JMJD1C: variants seen among roughly 807,000 people sequenced by gnomAD.
JMJD1C encodes jumonji domain-containing protein 1C.
A neutral mutation model predicts 245.3 loss-of-function variants in JMJD1C; 31 were observed. That is an observed-to-expected ratio of 0.13 (90% confidence interval 0.09 to 0.17). JMJD1C has a LOEUF of 0.17. Ranked by LOEUF, JMJD1C falls within the 10% of genes least tolerant of loss-of-function variation. The pLI is 1.00. For missense variants in JMJD1C, 2,691 were observed against 3,000.2 expected, an observed-to-expected ratio of 0.90 and a Z score of 2.41; for synonymous variants, 1,057 against 1,017.4, an observed-to-expected ratio of 1.04 and a Z score of -0.74.
At chr10:63,401,343 T>C (rs1372580697) in intron 1 of JMJD1C, among the ~76,000 whole-genome samples, 1 of 152,222 alleles carries the variant, frequency 6.6e-6, no homozygotes, top group Non-Finnish European at 1.5e-5. Context: ...TGTGATTACT[T>C]TGGCCAACAG....
At chr10:63,410,692 GTA>G (rs1488895400) in intron 1 of JMJD1C, among the ~76,000 whole-genome samples, 2 of 152,020 alleles carry the variant, frequency 1.3e-5, no homozygotes, top group Admixed American at 6.6e-5. Context: ...GTAATTTTAT[GTA>G]TGTTTTTATT....
intron 2 of JMJD1C, among the ~76,000 whole-genome samples, chr10:63,362,235 T>TTA (rs1423481491): frequency 7.6e-6 from 1 of 131,192 alleles, no homozygotes; most frequent in Non-Finnish European, 1.6e-5. Flanking sequence ...ACTGCATCTC[T>TTA]AAAAAAAAAA....
intron 1 of JMJD1C, among the ~76,000 whole-genome samples, chr10:63,442,387 T>C (rs1252203483): frequency 6.6e-6 from 1 of 152,184 alleles, no homozygotes; most frequent in Non-Finnish European, 1.5e-5. Context: ...TGAATATATA[T>C]GAAGAAAGTA....
chr10:63,325,892 T>C (rs1941437399), intron 2 of JMJD1C, among the ~76,000 whole-genome samples: 1 of 152,240 alleles, frequency 6.6e-6, no homozygotes. Flanking sequence ...AATGCATATA[T>C]TCTATGTAGA....
chr10:63,290,867 C>T (rs1489277870), intron 2 of JMJD1C, among the ~76,000 whole-genome samples: 1 of 151,792 alleles, frequency 6.6e-6, no homozygotes, highest in Admixed American at 6.6e-5. Context: ...TAAAAAAAAT[C>T]AGTATGAAAT....
intron 3 of JMJD1C, among the ~76,000 whole-genome samples, chr10:63,243,120 T>TATATATATATATATATATATAA (rs1564668876): frequency 2.3e-5 from 2 of 86,646 alleles, no homozygotes; most frequent in Non-Finnish European, 3.3e-5. Context: ...TATATATATA[T>TATATATATATATATATATATAA]ATATAAATAT....
At chr10:63,474,043 CA>C (rs577773141) in intron 1 of JMJD1C, among the ~76,000 whole-genome samples, 2 of 144,348 alleles carry the variant, frequency 1.4e-5, no homozygotes, top group Admixed American at 1.4e-4. Context: ...AACTCTGTCT[CA>C]AAAAAAAGAA....
chr10:63,341,954 T>C (rs1411083278), intron 2 of JMJD1C, among the ~76,000 whole-genome samples: 2 of 152,208 alleles, frequency 1.3e-5, no homozygotes, highest in African/African-American at 4.8e-5. Flanking sequence ...CCTGTAACTA[T>C]ATTCAGTGAT....
At chr10:63,465,105 G>C (rs1953107582) in intron 1 of JMJD1C, 1 of 242,634 alleles carries the variant, frequency 4.1e-6, no homozygotes. Flanking sequence ...TACCAGGGAA[G>C]CTGGCCGCCT....
intron 1 of JMJD1C, among the ~76,000 whole-genome samples, chr10:63,450,793 C>G (rs1194525605): frequency 6.6e-6 from 1 of 151,958 alleles, no homozygotes; most frequent in Non-Finnish European, 1.5e-5. Context: ...CACTTCTATT[C>G]AACGCAGCAT....
chr10:63,363,252 C>CTTTTTTT (rs71463517), intron 2 of JMJD1C, among the ~76,000 whole-genome samples: 2 of 99,864 alleles, frequency 2.0e-5, no homozygotes, highest in African/African-American at 3.8e-5. Flanking sequence ...TCATACAATT[C>CTTTTTTT]TTTTTTTTTT....
intron 2 of JMJD1C, among the ~76,000 whole-genome samples, chr10:63,268,115 G>T (rs1047699639): frequency 2.7e-5 from 1 of 37,428 alleles, no homozygotes; most frequent in Non-Finnish European, 5.4e-5. Context: ...ACAATTCCAA[G>T]TTAAAAAAAA....
In JMJD1C at chr10:63,243,329, C is replaced by T. The variant is rs201806983; in HGVS notation, c.447+21322G>A. ...ATCACCTGAGGTCGGGAGCTCGGGA[C>T]CAGCCTGACCAACATGGAGAAGCCC... On this transcript the variant is annotated intron_variant, in intron 3 of 25. Transcript: ENST00000399262. 1.1e-4 allele frequency among the ~76,000 whole-genome samples: 17 copies of T among 151,440 alleles called. No homozygotes were observed. The East Asian group carries it at 3.1e-3, about 28-fold the overall frequency.
chr10:63,521,564 T>C, intron 1 of JMJD1C: 1 of 1,430,100 alleles, frequency 7.0e-7, no homozygotes, highest in Non-Finnish European at 9.3e-7. Flanking sequence ...CTGGATGATC[T>C]CCAGAGCCGT....
At chr10:63,490,751 A>C (rs1223634389) in intron 1 of JMJD1C, among the ~76,000 whole-genome samples, 1 of 152,176 alleles carries the variant, frequency 6.6e-6, no homozygotes, top group Non-Finnish European at 1.5e-5. Context: ...TGTCTTGTTC[A>C]CAAGAGTGAA....
chr10:63,360,746 CAT>C (rs1381563861), intron 2 of JMJD1C, among the ~76,000 whole-genome samples: 58 of 152,178 alleles, frequency 3.8e-4, no homozygotes, highest in African/African-American at 1.2e-3. Flanking sequence ...ACAAAAGTTA[CAT>C]GTTTCAAATA....
chr10:63,468,062 T>C (rs1311538797), upstream of JMJD1C, among the ~76,000 whole-genome samples: 1 of 152,214 alleles, frequency 6.6e-6, no homozygotes. Context: ...CCCTGGGAAC[T>C]CCCACTACAT....
chr10:63,181,402 T>C (rs545076699), intron 22 of JMJD1C, among the ~76,000 whole-genome samples: 1 of 152,278 alleles, frequency 6.6e-6, no homozygotes, highest in Admixed American at 6.5e-5. Flanking sequence ...TAATGAAGAC[T>C]TCTAGGGTGA....
chr10:63,263,952 ATACAC>A lies in JMJD1C; in HGVS notation c.447+694_447+698del, dbSNP rs1253154048. 5.1e-3 allele frequency among the ~76,000 whole-genome samples: 441 copies of A among 86,592 alleles called. 1 individual carries two copies. Among genetic ancestry groups the A allele is most frequent in the African/African-American group, 0.019 (347 of 18,594 alleles). 56.8% of individuals were successfully genotyped at this position (86,592 alleles called of 152,430 possible). ...ATCACGGAAAAAAAAAAAAAAAAAA[ATACAC>A]ATACACACACACACACACACACACA... On this transcript the variant is annotated intron_variant, in intron 3 of 25. Transcript: ENST00000399262.
Sources: allele counts gnomAD v4.1 joint callset (sites outside exome capture counted in the v4.1 genomes callset), GRCh38; gene constraint gnomAD v4.1.1; transcripts MANE v1.5; gene names NCBI Gene and HGNC (gene_info 2026-07-23, HGNC 2026-07-21).